The following PREX2 variants were observed in gnomAD, a reference collection of about 807,000 sequenced individuals.
PREX2 encodes phosphatidylinositol 3,4,5-trisphosphate-dependent Rac exchanger 2 protein.
In PREX2, 107 loss-of-function variants were observed where a neutral mutation model predicts 203.2. That is an observed-to-expected ratio of 0.53 (90% CI 0.45 to 0.62). The LOEUF (loss-of-function observed/expected upper bound fraction) is 0.62, where lower values mean the gene tolerates loss of function less well. Ranked by LOEUF, PREX2 falls within the 20% of genes least tolerant of loss-of-function variation. The pLI, the probability that PREX2 is intolerant of heterozygous loss-of-function variation, is 0.00. For synonymous variants in PREX2, 672 were observed against 663.6 expected, an observed-to-expected ratio of 1.01 and a Z score of -0.19; for missense variants, 1,777 against 1,955.9, an observed-to-expected ratio of 0.91 and a Z score of 1.72.
At chr8:67,995,093 G>C (rs1405218575) in intron 1 of PREX2, among the ~76,000 whole-genome samples, 2 of 151,660 alleles carry the variant, frequency 1.3e-5, no homozygotes, top group Non-Finnish European at 2.9e-5. Flanking sequence ...AAGACTACAT[G>C]GTGTACCTTT....
chr8:68,112,187 T>TAA lies in PREX2; in HGVS notation c.3146+2565_3146+2566dup, dbSNP rs571494404. Among the ~76,000 whole-genome samples, 211 of 152,354 alleles carry TAA rather than the reference T, an allele frequency of 1.4e-3. 1 individual carries two copies. Among genetic ancestry groups the TAA allele is most frequent in the African/African-American group, 5.0e-3 (207 of 41,590 alleles). ...ATGAGGTAAGATGATGTAATGAATT[T>TAA]AATCAAGGATTTGTGATTCCAATTT... On this transcript the variant is annotated intron_variant, in intron 25 of 39. Coordinates refer to ENST00000288368, the MANE Select transcript of PREX2 (RefSeq NM_024870.4).
intron 1 of PREX2, among the ~76,000 whole-genome samples, chr8:67,995,762 A>G (rs886956571): frequency 6.6e-6 from 1 of 152,174 alleles, no homozygotes; most frequent in Non-Finnish European, 1.5e-5. Context: ...TCCAATTTGT[A>G]TCTATTATGA....
At chr8:68,163,144 A>G (rs1811686441) in intron 35 of PREX2, among the ~76,000 whole-genome samples, 1 of 152,006 alleles carries the variant, frequency 6.6e-6, no homozygotes. Flanking sequence ...GACAACATAC[A>G]AAAAAAAGAT....
rs1009783240 is a variant in PREX2, at chr8:68,233,318, T to C, written c.*1940T>C. ...CCATCCTGGAAGCAGTAATCCTCAT[T>C]AGAGGCATGCAAGGGTCATTAAAAT... On this transcript the variant is annotated 3_prime_UTR_variant, in exon 40 of 40. Transcript: ENST00000288368. 1 of 152,190 alleles carries C rather than the reference T, an allele frequency of 6.6e-6. No individual in the cohort carries two copies. The highest frequency in any genetic ancestry group is 2.4e-5 in the African/African-American group (1 of 41,452). The allele number at this position is 152,190 out of a possible 1,614,324, so 9.4% of individuals were successfully genotyped here.
In PREX2 at chr8:68,069,902, G is replaced by C. The variant is rs1191512374; in HGVS notation, c.1493+18G>C. The C allele has an allele frequency of 1.4e-6, 2 of 1,449,088 alleles. No homozygotes were observed. Among genetic ancestry groups the C allele is most frequent in the Non-Finnish European group, 1.9e-6 (2 of 1,046,982 alleles). 89.8% of individuals were successfully genotyped at this position (1,449,088 alleles called of 1,614,324 possible). A position where few individuals can be genotyped will look rare whatever the true frequency, so the allele number is the denominator to read the frequency against. On this transcript the variant is annotated intron_variant, in intron 13 of 39. Coordinates refer to ENST00000288368, the MANE Select transcript of PREX2 (RefSeq NM_024870.4). ...GTGATAAGGTGAGTCTGGTTTTTAA[G>C]TTCTGGGAAACTTAAATGGAAATAT...
intron 13 of PREX2, among the ~76,000 whole-genome samples, chr8:68,071,771 G>T (rs1809201259): frequency 6.6e-6 from 1 of 152,070 alleles, no homozygotes. Context: ...CAGGCAAAAA[G>T]AATAACAGGT....
chr8:68,038,109 A>T, intron 6 of PREX2, 50 bp from the exon 7 acceptor site: 1 of 1,569,388 alleles, frequency 6.4e-7, no homozygotes, highest in Non-Finnish European at 8.7e-7. Context: ...AATTATTTAC[A>T]GAAGTGTCAA....
At chr8:68,125,519 G>C (rs573616056) in intron 30 of PREX2, among the ~76,000 whole-genome samples, 1 of 152,222 alleles carries the variant, frequency 6.6e-6, no homozygotes, top group South Asian at 2.1e-4. Flanking sequence ...AGATTAAACT[G>C]TGTGTAGAAG....
At chr8:68,156,254 A>T (rs560137134) in intron 34 of PREX2, among the ~76,000 whole-genome samples, 1 of 152,084 alleles carries the variant, frequency 6.6e-6, no homozygotes, top group Non-Finnish European at 1.5e-5. Context: ...TTTTAGAGAC[A>T]GGGTCTCGCT....
At chr8:68,007,709 A>T (rs1807136427) in intron 1 of PREX2, among the ~76,000 whole-genome samples, 1 of 152,120 alleles carries the variant, frequency 6.6e-6, no homozygotes, top group African/African-American at 2.4e-5. Flanking sequence ...TCCTAGGTTC[A>T]TACCATTCTC....
At chr8:68,217,185 T>G (rs1012640048) in intron 37 of PREX2, among the ~76,000 whole-genome samples, 2 of 152,204 alleles carry the variant, frequency 1.3e-5, no homozygotes, top group African/African-American at 4.8e-5. Flanking sequence ...CAGTAAATAG[T>G]AATTTCACCA....
In PREX2 at chr8:68,027,263, C is replaced by T; in HGVS notation, c.483C>T (p.Pro161=). The part of the protein sequence containing the change: ...LLGGRKNTDV[P]LEGYLVTPIQ... ...GAGGACGGAAGAACACAGATGTTCC[C>T]TTGGAAGGATATTTAGTAACACCAA... Residue 161 remains proline, a synonymous_variant, in exon 5 of 40, where the codon CCC becomes CCT. Coordinates refer to ENST00000288368, the MANE Select transcript of PREX2 (RefSeq NM_024870.4). The T allele has an allele frequency of 6.8e-6, 11 of 1,612,314 alleles. No individual in the cohort carries two copies. Among genetic ancestry groups the T allele is most frequent in the Non-Finnish European group, 9.3e-6 (11 of 1,178,688 alleles).
intron 1 of PREX2, among the ~76,000 whole-genome samples, chr8:67,994,926 A>G (rs951120133): frequency 6.6e-6 from 1 of 152,232 alleles, no homozygotes; most frequent in Non-Finnish European, 1.5e-5. Context: ...AAGGAGTTCT[A>G]CATGGTTTTA....
chr8:68,180,855 T>G (rs1478255706), intron 35 of PREX2, among the ~76,000 whole-genome samples: 2 of 152,070 alleles, frequency 1.3e-5, no homozygotes, highest in African/African-American at 2.4e-5. Context: ...GATTAGCAGA[T>G]TGGACTTCTT....
At chr8:68,134,352 G>A in intron 32 of PREX2, 76 bp downstream of exon 32, 6 of 1,178,358 alleles carry the variant, frequency 5.1e-6, no homozygotes, top group Non-Finnish European at 7.4e-6. Context: ...ATAAGAAGTA[G>A]TTATTTCTTT....
At chr8:68,207,634 C>T (rs1356391430) in intron 37 of PREX2, among the ~76,000 whole-genome samples, 2 of 152,024 alleles carry the variant, frequency 1.3e-5, no homozygotes, top group African/African-American at 2.4e-5. Context: ...CGCTATACTT[C>T]ATACTAAGTA....
rs184627554 is a variant in PREX2 at position 68,116,440 on chromosome 8, C to A, written c.3326+508C>A. Among the ~76,000 whole-genome samples the A allele has an allele frequency of 3.9e-5, 6 of 152,202 alleles. No homozygotes were observed. In the East Asian group the frequency reaches 1.2e-3, roughly 29 times the overall value. On this transcript the variant is annotated intron_variant, in intron 26 of 39. Coordinates refer to ENST00000288368, the MANE Select transcript of PREX2 (RefSeq NM_024870.4). Reference sequence around the variant, plus strand: ...TACCTTCTGTATTAGTTTTGTAGGGCTGCTGTAACAGATTACTACAAACTG... The same window carrying A: ...TACCTTCTGTATTAGTTTTGTAGGGATGCTGTAACAGATTACTACAAACTG...
chr8:68,070,382 A>T (rs1235649647), intron 13 of PREX2, among the ~76,000 whole-genome samples: 4 of 151,862 alleles, frequency 2.6e-5, no homozygotes, highest in Non-Finnish European at 4.4e-5. Flanking sequence ...GTATAATTTT[A>T]TAATTTTATT....
At position 68,167,993 on chromosome 8, in the gene PREX2, T is replaced by C. The variant is rs117242011; in HGVS notation, c.4346+10557T>C. ...TAATAAACTTGGTGGGTGATTCTTA[T>C]GCACATTCAAATTTCAGAACCATTG... is the stretch of plus-strand genomic sequence containing the variant. On this transcript the variant is annotated intron_variant, in intron 35 of 39. Transcript: ENST00000288368. Among the ~76,000 whole-genome samples the C allele has an allele frequency of 2.3e-4, 35 of 152,350 alleles. No individual in the cohort carries two copies. The East Asian group carries it at 6.4e-3, about 28-fold the overall frequency.
Sources: allele counts gnomAD v4.1 joint callset (sites outside exome capture counted in the v4.1 genomes callset), GRCh38; gene constraint gnomAD v4.1.1; transcripts MANE v1.5; gene names NCBI Gene and HGNC (gene_info 2026-07-23, HGNC 2026-07-21).